Variants in SMYD2 observed in about 807,000 individuals in gnomAD.
SMYD2 encodes N-lysine methyltransferase SMYD2.
A neutral mutation model predicts 59.1 loss-of-function variants in SMYD2; 53 were observed. The ratio of observed to expected loss-of-function variants is 0.90; its 90% CI spans 0.72 to 1.13. The LOEUF (loss-of-function observed/expected upper bound fraction) is 1.13, where lower values mean the gene tolerates loss of function less well. Ranked by LOEUF, SMYD2 falls within the 50% of genes most tolerant of loss-of-function variation. SMYD2 has a pLI of 0.00. For missense variants in SMYD2, 494 were observed against 544.7 expected (o/e 0.91, Z 0.93); for synonymous variants, 208 against 198.8 (o/e 1.05, Z -0.39).
In SMYD2 at chr1:214,330,273, G is replaced by A. The variant is rs1657330701; in HGVS notation, c.811G>A (p.Asp271Asn). Residue 271 changes from aspartate (D) to asparagine (N), a missense_variant, in exon 8 of 12, where the codon GAC (aspartate) becomes AAC (asparagine). Physicochemically the swap from Asp to Asn is conservative, Grantham distance 23. Coordinates refer to ENST00000366957, the MANE Select transcript of SMYD2 (RefSeq NM_020197.3). ...TGAGTGCCAGGAGTGTACCACCAAG[G>A]ACAAGGTAAGGTTGTTCATTGGGCA... Reference protein sequence around the residue: ...TCECQECTTKDKDKAKVEIRK... With the variant: ...TCECQECTTKNKDKAKVEIRK... 1 of 1,608,394 alleles carries A rather than the reference G, an allele frequency of 6.2e-7. No individual in the cohort carries two copies. The highest frequency in any genetic ancestry group is 8.5e-7 in the Non-Finnish European group (1 of 1,175,798).
intron 2 of SMYD2, among the ~76,000 whole-genome samples, chr1:214,308,756 CGTA>C (rs528106751): frequency 9.2e-4 from 140 of 152,224 alleles, no homozygotes; most frequent in Admixed American, 1.8e-3. Flanking sequence ...GATAAGAAAA[CGTA>C]GTCCCAAGTG....
In SMYD2 at chr1:214,301,769, T is replaced by TAAAAAAA. The variant is rs56102481; in HGVS notation, c.174-3406_174-3400dup. On this transcript the variant is annotated intron_variant, in intron 1 of 11. Transcript: ENST00000366957. Reference sequence around the variant, plus strand: ...TTTATCTAAAACTGTTCTTTCAAGTTAAAAAAAAAAAAAAAAAAGCCAGGA... The same window carrying TAAAAAAA: ...TTTATCTAAAACTGTTCTTTCAAGTTAAAAAAAAAAAAAAAAAAAAAAAAAGCCAGGA... 1.7e-4 allele frequency among the ~76,000 whole-genome samples: 23 copies of TAAAAAAA among 133,340 alleles called. 2 individuals carry two copies. Among genetic ancestry groups the TAAAAAAA allele is most frequent in the African/African-American group, 3.5e-4 (12 of 34,222 alleles). 87.5% of individuals were successfully genotyped at this position (133,340 alleles called of 152,430 possible).
In SMYD2 at chr1:214,330,248, T is replaced by A. The variant is rs768344398; in HGVS notation, c.786T>A (p.Cys262Ter). 1 of 1,613,310 alleles carries A rather than the reference T, an allele frequency of 6.2e-7. No individual in the cohort carries two copies. Among genetic ancestry groups the A allele is most frequent in the Non-Finnish European group, 8.5e-7 (1 of 1,179,548 alleles). ...DRLRDSYFFT[C>*]ECQECTTKDK... Reference sequence around the variant, plus strand: ...TAAGAGATTCTTATTTCTTTACCTGTGAGTGCCAGGAGTGTACCACCAAGG... The same window carrying A: ...TAAGAGATTCTTATTTCTTTACCTGAGAGTGCCAGGAGTGTACCACCAAGG... The change falls in exon 8 of 12, where the codon TGT becomes TGA. Residue 262 changes from cysteine to a stop codon, truncating the protein, a stop_gained. Transcript: ENST00000366957. LOFTEE classifies it high-confidence loss of function.
Position 214,331,081 on chromosome 1 carries a change from C to A in SMYD2, c.937+11C>A, listed in dbSNP as rs1327265604. ...CCAAGCACTATAAATATATCCTTTA[C>A]AACTGCCCTGATAGCTTATTATCCC... On this transcript the variant is annotated intron_variant, in intron 9 of 11. Transcript: ENST00000366957. 1 of 1,613,352 alleles carries A rather than the reference C, an allele frequency of 6.2e-7. No homozygotes were observed.
intron 1 of SMYD2, among the ~76,000 whole-genome samples, chr1:214,284,253 G>GTTTTTTTTTTTTTTTT (rs1259451106): frequency 1.3e-5 from 1 of 76,820 alleles, no homozygotes; most frequent in Non-Finnish European, 2.5e-5. Context: ...TTTTTGGTGT[G>GTTTTTTTTTTTTTTTT]GTTTTTTTTT....
At chr1:214,310,934 G>A (rs1656990428) in intron 2 of SMYD2, among the ~76,000 whole-genome samples, 1 of 152,024 alleles carries the variant, frequency 6.6e-6, no homozygotes, top group South Asian at 2.1e-4. Context: ...TTAAAGCTGT[G>A]CAGTGCCATT....
chr1:214,294,963 C>T (rs534394219), intron 1 of SMYD2, among the ~76,000 whole-genome samples: 4 of 152,236 alleles, frequency 2.6e-5, no homozygotes, highest in African/African-American at 9.6e-5. Flanking sequence ...TATGCAACAG[C>T]AAGCATAGGG....
At position 214,324,641 on chromosome 1, in the gene SMYD2, G is replaced by T; in HGVS notation, c.535G>T (p.Val179Phe). 1 of 1,609,094 alleles carries T rather than the reference G, an allele frequency of 6.2e-7. No individual in the cohort carries two copies. Among genetic ancestry groups the T allele is most frequent in the Non-Finnish European group, 8.5e-7 (1 of 1,177,958 alleles). ...NDSLVVLFAQVNCNGFTIEDE... is the reference protein window; with the variant it reads ...NDSLVVLFAQFNCNGFTIEDE... Reference sequence around the variant, plus strand: ...CCTTTCTCCCTTTTTCTTGCTGCAGGTTAACTGTAATGGCTTCACAATTGA... The same window carrying T: ...CCTTTCTCCCTTTTTCTTGCTGCAGTTTAACTGTAATGGCTTCACAATTGA... Residue 179 changes from valine (V) to phenylalanine (F), a missense_variant and splice_region_variant, in exon 6 of 12, where the codon GTT becomes TTT. Coordinates refer to ENST00000366957, the MANE Select transcript of SMYD2 (RefSeq NM_020197.3).
At chr1:214,290,887 A>AT (rs1157648415) in intron 1 of SMYD2, among the ~76,000 whole-genome samples, 1 of 151,948 alleles carries the variant, frequency 6.6e-6, no homozygotes, top group East Asian at 1.9e-4. Context: ...TGAGATGGGG[A>AT]TTTTTCTTAC....
rs1244529763 is a variant in SMYD2, at chr1:214,318,849, T to G, written c.410-10T>G. On this transcript the variant is annotated splice_polypyrimidine_tract_variant and intron_variant, in intron 4 of 11. Transcript: ENST00000366957. This position sits in a 1 kb window ranked among gnomAD's most constrained non-coding sequence, Gnocchi z 5.4. ...TTCTACTGGGTGAATAATGGATTAT[T>G]TATCCACAGATCTGGATAAGTTAGA... 10 of 1,613,590 alleles carry G rather than the reference T, an allele frequency of 6.2e-6. No homozygotes were observed. The highest frequency in any genetic ancestry group is 7.6e-6 in the Non-Finnish European group (9 of 1,179,948).
At chr1:214,311,374 G>C (rs17022497) in intron 2 of SMYD2, among the ~76,000 whole-genome samples, 4,673 of 152,274 alleles carry the variant, frequency 0.031, 255 homozygotes, top group African/African-American at 0.11. Flanking sequence ...CTTCAAGCTT[G>C]ATATCTGATT....
At chr1:214,327,925 T>G (rs186311360) in intron 7 of SMYD2, among the ~76,000 whole-genome samples, 2 of 152,322 alleles carry the variant, frequency 1.3e-5, no homozygotes, top group East Asian at 3.9e-4. Context: ...CTTTGGGGCT[T>G]CTGTTTGGTA....
At chr1:214,300,429 A>G (rs767120342) in intron 1 of SMYD2, among the ~76,000 whole-genome samples, 15 of 151,902 alleles carry the variant, frequency 9.9e-5, no homozygotes, top group South Asian at 2.1e-4. Context: ...CTGGAGCACA[A>G]TGGGTTGAGA....
chr1:214,331,381 A>G (rs1472035979), intron 9 of SMYD2: 15 of 287,710 alleles, frequency 5.2e-5, no homozygotes, highest in East Asian at 7.2e-5. Context: ...CACAGTGCCA[A>G]GGGCCTTGCT....
At chr1:214,324,836 C>A in intron 6 of SMYD2, 128 bp downstream of exon 6, 2 of 776,836 alleles carry the variant, frequency 2.6e-6, no homozygotes, top group Non-Finnish European at 4.1e-6. Flanking sequence ...ATTAAAACAG[C>A]TTTTTAATCT....
intron 6 of SMYD2, among the ~76,000 whole-genome samples, chr1:214,325,428 C>G (rs1284415065): frequency 6.6e-6 from 1 of 152,238 alleles, no homozygotes; most frequent in East Asian, 1.9e-4. Context: ...ATGCATCCCC[C>G]CAGCCTCCAA....
chr1:214,282,182 C>T (rs1234665090), intron 1 of SMYD2, among the ~76,000 whole-genome samples: 1 of 152,148 alleles, frequency 6.6e-6, no homozygotes, highest in African/African-American at 2.4e-5. Flanking sequence ...TTTGCACACA[C>T]CAACACATAA....
chr1:214,314,131 C>G (rs148950016), intron 2 of SMYD2, among the ~76,000 whole-genome samples: 2 of 151,762 alleles, frequency 1.3e-5, no homozygotes, highest in Non-Finnish European at 2.9e-5. Context: ...GAGTCGAGAT[C>G]GCGCCACTGC....
At chr1:214,289,284 T>C (rs1656599333) in intron 1 of SMYD2, among the ~76,000 whole-genome samples, 1 of 152,320 alleles carries the variant, frequency 6.6e-6, no homozygotes, top group East Asian at 1.9e-4. Context: ...TTTGGGTGTT[T>C]TAGGCTTACT....
Sources: allele counts gnomAD v4.1 joint callset (sites outside exome capture counted in the v4.1 genomes callset), GRCh38; gene constraint gnomAD v4.1.1; non-coding constraint Gnocchi (gnomAD v3.1); transcripts MANE v1.5; gene names NCBI Gene and HGNC (gene_info 2026-07-23, HGNC 2026-07-21).